Variants in PGR observed in about 807,000 individuals in gnomAD.
The protein encoded by PGR is progesterone receptor.
In PGR, 25 loss-of-function variants were observed where a neutral mutation model predicts 76.1. The observed-to-expected ratio is 0.33, with a 90% CI of 0.24 to 0.46. PGR has a LOEUF of 0.46. Among genes scored for constraint, PGR ranks in the 20% least tolerant of loss-of-function variants. The pLI, the probability that PGR is intolerant of heterozygous loss-of-function variation, is 1.00. For synonymous variants in PGR, 579 were observed against 535.0 expected (o/e 1.08, Z -1.14); for missense variants, 1,172 against 1,225.3 (o/e 0.96, Z 0.65).
At chr11:101,125,609 A>G (rs1862815311) in intron 2 of PGR, among the ~76,000 whole-genome samples, 2 of 152,322 alleles carry the variant, frequency 1.3e-5, no homozygotes, top group East Asian at 1.9e-4. Flanking sequence ...ATACATGTAC[A>G]TATGTGTCAA....
intron 2 of PGR, among the ~76,000 whole-genome samples, chr11:101,124,699 G>A (rs911139804): frequency 6.6e-6 from 1 of 152,148 alleles, no homozygotes; most frequent in African/African-American, 2.4e-5. Context: ...TTACCCATTG[G>A]AAAACTGACT....
At position 101,039,082 on chromosome 11, in the gene PGR, C is replaced by T. The variant is rs749353230; in HGVS notation, c.*34G>A. 5 of 1,581,108 alleles carry T rather than the reference C, an allele frequency of 3.2e-6. No homozygotes were observed. In the African/African-American group the frequency reaches 5.4e-5, roughly 17 times the overall value. On this transcript the variant is annotated 3_prime_UTR_variant, in exon 8 of 8. Transcript: ENST00000325455. The stretch of plus-strand genomic sequence containing the variant: ...CTGACCAAAACAAAAAGACATACCA[C>T]AAAATTTAATTCTTTAAAAGAAAAA...
intron 3 of PGR, among the ~76,000 whole-genome samples, chr11:101,075,689 G>T (rs1861100084): frequency 6.8e-6 from 1 of 146,816 alleles, no homozygotes; most frequent in Admixed American, 6.8e-5. Context: ...CTTCTCAAAA[G>T]AAGACATTTA....
intron 3 of PGR, among the ~76,000 whole-genome samples, chr11:101,078,140 T>C (rs903558111): frequency 2.0e-5 from 3 of 152,130 alleles, no homozygotes; most frequent in African/African-American, 7.2e-5. Context: ...CCATACTCTC[T>C]AGCCCAGAAA....
At chr11:101,052,269 CTGTGTGTGTGTGTGTG>C (rs55925008) in intron 4 of PGR, among the ~76,000 whole-genome samples, 2,132 of 141,868 alleles carry the variant, frequency 0.015, 37 homozygotes, top group African/African-American at 0.043. Context: ...GATTTAGAAT[CTGTGTGTGTGTGTGTG>C]TGTGTGTGTG....
At chr11:101,079,699 T>C (rs972450013) in intron 3 of PGR, among the ~76,000 whole-genome samples, 1 of 152,246 alleles carries the variant, frequency 6.6e-6, no homozygotes, top group African/African-American at 2.4e-5. Context: ...GAAAACAGTA[T>C]GGAGGTTCCT....
rs1860085225 is a variant in PGR, at chr11:101,051,408, A to G, written c.2357+16T>C. ...GTACACTTAAAATAACAAAAACAAC[A>G]AAAGTTACTACTTACTCATTTAGTA... On this transcript the variant is annotated intron_variant, in intron 5 of 7. Coordinates refer to ENST00000325455, the MANE Select transcript of PGR (RefSeq NM_000926.4). 6.4e-7 allele frequency: 1 copy of G among 1,573,040 alleles called. No individual in the cohort carries two copies. The highest frequency in any genetic ancestry group is 8.7e-7 in the Non-Finnish European group (1 of 1,143,842).
chr11:101,100,676 CTAGAAATACAA>C (rs1861970465), intron 2 of PGR, among the ~76,000 whole-genome samples: 1 of 151,634 alleles, frequency 6.6e-6, no homozygotes, highest in Non-Finnish European at 1.5e-5. Flanking sequence ...TTTGATTTTG[CTAGAAATACAA>C]ACATAAACCA....
At chr11:101,088,099 GAGGT>G (rs1464885305) in intron 3 of PGR, among the ~76,000 whole-genome samples, 1 of 152,072 alleles carries the variant, frequency 6.6e-6, no homozygotes, top group Admixed American at 6.5e-5. Flanking sequence ...TCAGGATGCT[GAGGT>G]AGGAAGATCA....
chr11:101,043,401 C>T (rs1252660219), intron 6 of PGR, among the ~76,000 whole-genome samples: 7 of 152,184 alleles, frequency 4.6e-5, no homozygotes, highest in Admixed American at 4.6e-4. Context: ...TTTCACATAT[C>T]TGTAGTTATT....
rs1859361567 is a variant in PGR at position 101,031,778 on chromosome 11, G to A, written c.*7338C>T. 4.4e-6 allele frequency: 1 copy of A among 227,734 alleles called. No individual in the cohort carries two copies. Among genetic ancestry groups the A allele is most frequent in the Non-Finnish European group, 8.7e-6 (1 of 114,668 alleles). 14.1% of individuals were successfully genotyped at this position (227,734 alleles called of 1,614,324 possible). On this transcript the variant is annotated 3_prime_UTR_variant, in exon 8 of 8. Transcript: ENST00000325455. ...GAATCCCAGATAAGGCTTTTTAAAAGCCGAGCCCAGCCATGGATTCATACC... is the reference window on the plus strand; with the variant it reads ...GAATCCCAGATAAGGCTTTTTAAAAACCGAGCCCAGCCATGGATTCATACC...
intron 2 of PGR, among the ~76,000 whole-genome samples, chr11:101,121,900 C>T (rs1862689952): frequency 6.6e-6 from 1 of 152,156 alleles, no homozygotes; most frequent in Non-Finnish European, 1.5e-5. Flanking sequence ...GGTGTGGTGG[C>T]TCACGCCTGT....
intron 3 of PGR, among the ~76,000 whole-genome samples, chr11:101,078,699 T>G: frequency 6.6e-6 from 1 of 152,312 alleles, no homozygotes; most frequent in South Asian, 2.1e-4. Flanking sequence ...ACATAATTTT[T>G]ATAATCAAAA....
At chr11:101,064,692 C>T (rs1860651034) in intron 3 of PGR, among the ~76,000 whole-genome samples, 1 of 152,150 alleles carries the variant, frequency 6.6e-6, no homozygotes, top group Non-Finnish European at 1.5e-5. Context: ...TTTGGCAATA[C>T]ATGTCTGCTA....
intron 2 of PGR, among the ~76,000 whole-genome samples, chr11:101,107,355 A>C (rs1027897051): frequency 3.9e-5 from 6 of 152,166 alleles, no homozygotes. Context: ...TAAATAAAAA[A>C]ATCTCTCTGG....
Position 101,051,476 on chromosome 11 carries a change from T to C in PGR, c.2305A>G (p.Lys769Glu), listed in dbSNP as rs141417204. The C allele has an allele frequency of 3.0e-5, 49 of 1,609,214 alleles. No individual in the cohort carries two copies. In the African/African-American group the frequency reaches 5.7e-4, roughly 19 times the overall value. Residue 769 changes from lysine to glutamate, a missense_variant, in exon 5 of 8, where the codon AAA (lysine) becomes GAA (glutamate). Lys to Glu is a moderately conservative substitution (Grantham distance 56). Coordinates refer to ENST00000325455, the MANE Select transcript of PGR (RefSeq NM_000926.4). ...TACAGCATCTGCCCACTGACGTGTT[T>C]GTAGGATCTCCATCCTAGACCAAAC... ...MVFGLGWRSY[K>E]HVSGQMLYFA...
chr11:101,066,254 A>C (rs1216754138), intron 3 of PGR, among the ~76,000 whole-genome samples: 2 of 152,194 alleles, frequency 1.3e-5, no homozygotes, highest in Non-Finnish European at 1.5e-5. Flanking sequence ...ATGTCAAAAA[A>C]CAATGGCCAA....
At chr11:101,117,583 C>T (rs1862550306) in intron 2 of PGR, among the ~76,000 whole-genome samples, 1 of 151,968 alleles carries the variant, frequency 6.6e-6, no homozygotes, top group Non-Finnish European at 1.5e-5. Context: ...CCTCCATCAT[C>T]TTTCCATACT....
At chr11:101,100,253 A>T (rs1045723088) in intron 2 of PGR, among the ~76,000 whole-genome samples, 5 of 152,008 alleles carry the variant, frequency 3.3e-5, no homozygotes, top group Non-Finnish European at 5.9e-5. Context: ...ATGAGATCTG[A>T]TGGTTTTATA....
Sources: allele counts gnomAD v4.1 joint callset (sites outside exome capture counted in the v4.1 genomes callset), GRCh38; gene constraint gnomAD v4.1.1; transcripts MANE v1.5; gene names NCBI Gene and HGNC (gene_info 2026-07-23, HGNC 2026-07-21).